DNAH11: variants seen among roughly 807,000 people sequenced by gnomAD.
DNAH11 encodes the protein axonemal beta dynein heavy chain 11.
A neutral mutation model predicts 526.0 loss-of-function variants in DNAH11; 442 were observed. The observed-to-expected ratio is 0.84, with a 90% CI of 0.78 to 0.91. The LOEUF is 0.91. Among genes scored for constraint, DNAH11 ranks in the 40% least tolerant of loss-of-function variants. DNAH11 has a pLI of 0.00. For missense variants in DNAH11, 6,989 were observed against 5,448.7 expected (o/e 1.28, Z -8.90); for synonymous variants, 2,461 against 1,935.9 (o/e 1.27, Z -7.12).
intron 45 of DNAH11, among the ~76,000 whole-genome samples, chr7:21,727,391 A>C (rs965419811): frequency 2.6e-5 from 4 of 152,172 alleles, no homozygotes; most frequent in African/African-American, 9.6e-5. Context: ...TAAACTTCTT[A>C]GTTAGTACTT....
chr7:21,720,569 A>G (rs1784836255), intron 43 of DNAH11, among the ~76,000 whole-genome samples, 156 bp from the exon 44 acceptor site: 1 of 152,200 alleles, frequency 6.6e-6, no homozygotes, highest in Non-Finnish European at 1.5e-5. Flanking sequence ...TAACTTAGAC[A>G]CCCAAGGTGG....
chr7:21,620,850 T>A (rs555259870), intron 25 of DNAH11, among the ~76,000 whole-genome samples: 1 of 151,420 alleles, frequency 6.6e-6, no homozygotes, highest in Non-Finnish European at 1.5e-5. Context: ...TTACTGAGAA[T>A]GATGATTTCC....
chr7:21,687,451 ATC>A lies in DNAH11; in HGVS notation c.5852_5853del (p.Ser1951CysfsTer16), dbSNP rs1562490642. 6.2e-7 allele frequency: 1 copy of A among 1,614,002 alleles called. No individual in the cohort carries two copies. The highest frequency in any genetic ancestry group is 8.5e-7 in the Non-Finnish European group (1 of 1,179,940). ...GGGCTGCTTTGATGAGTTCAACCGA[ATC>A]TCTGTGGAAGTTCTGTCAGTGGTGG... ...AWGCFDEFNR[I>X]SVEVLSVVAV... On this transcript the variant is annotated frameshift_variant, in exon 34 of 82. Transcript: ENST00000409508. LOFTEE classifies it high-confidence loss of function.
intron 79 of DNAH11, among the ~76,000 whole-genome samples, chr7:21,896,834 G>C (rs994335581): frequency 1.3e-5 from 2 of 152,154 alleles, no homozygotes; most frequent in Non-Finnish European, 2.9e-5. Context: ...CAAGGCAGGA[G>C]GATCACTTGA....
intron 14 of DNAH11, among the ~76,000 whole-genome samples, chr7:21,594,014 ACACT>A (rs796846544): frequency 6.5e-4 from 98 of 150,918 alleles, no homozygotes; most frequent in Middle Eastern, 3.5e-3. Flanking sequence ...TATCACACAC[ACACT>A]CACACACACT....
At chr7:21,732,920 C>T (rs1415863522) in intron 45 of DNAH11, among the ~76,000 whole-genome samples, 1 of 152,238 alleles carries the variant, frequency 6.6e-6, no homozygotes, top group African/African-American at 2.4e-5. Flanking sequence ...ATTCTGCAGA[C>T]TGGGCCATGT....
chr7:21,553,457 G>A (rs62441662), intron 2 of DNAH11, among the ~76,000 whole-genome samples: 25,958 of 151,848 alleles, frequency 0.17, 2,254 homozygotes, highest in Middle Eastern at 0.26. Flanking sequence ...GACTTAGGGA[G>A]GAGGGATCCA....
chr7:21,543,363 G>GAGA lies in DNAH11; in HGVS notation c.120_122dup (p.Glu40_Asn41insLys), dbSNP rs1483611767. 1 of 1,551,440 alleles carries GAGA rather than the reference G, an allele frequency of 6.4e-7. No individual in the cohort carries two copies. Among genetic ancestry groups the GAGA allele is most frequent in the Non-Finnish European group, 8.7e-7 (1 of 1,146,850 alleles). On this transcript the variant is annotated inframe_insertion, in exon 1 of 82. Transcript: ENST00000409508. The stretch of plus-strand genomic sequence containing the variant: ...CGCTGTGGAGCTCGAGGAGGAGGAG[G>GAGA]AGAACGAGGAGGAGGCGGCGGCCAG...
At chr7:21,706,593 TA>T (rs1784271307) in intron 39 of DNAH11, among the ~76,000 whole-genome samples, 1 of 152,210 alleles carries the variant, frequency 6.6e-6, no homozygotes, top group African/African-American at 2.4e-5. Flanking sequence ...AGGATAAAGT[TA>T]AATTCTATAC....
At chr7:21,739,704 G>T in intron 48 of DNAH11, 31 bp downstream of exon 48, 1 of 1,536,582 alleles carries the variant, frequency 6.5e-7, no homozygotes, top group Non-Finnish European at 9.0e-7. Flanking sequence ...CTCAAAAACT[G>T]TAGGTCTGTA....
chr7:21,743,659 G>T (rs767086389), intron 49 of DNAH11, among the ~76,000 whole-genome samples: 1 of 152,284 alleles, frequency 6.6e-6, no homozygotes, highest in African/African-American at 2.4e-5. Flanking sequence ...TCGTGTCTGT[G>T]TATCTAGCTC....
At chr7:21,842,776 C>T in intron 66 of DNAH11, 28 bp downstream of exon 66, 1 of 1,556,570 alleles carries the variant, frequency 6.4e-7, no homozygotes, top group Non-Finnish European at 8.7e-7. Context: ...ACCACCAACA[C>T]TTAGTCGGCA....
intron 15 of DNAH11, 69 bp downstream of exon 15, chr7:21,600,188 G>C: frequency 7.4e-7 from 1 of 1,356,274 alleles, no homozygotes; most frequent in Non-Finnish European, 9.8e-7. Context: ...GGCTGAGTAT[G>C]GTAGCTCATG....
chr7:21,824,442 C>T (rs565054936), intron 65 of DNAH11, among the ~76,000 whole-genome samples: 8 of 152,068 alleles, frequency 5.3e-5, no homozygotes, highest in African/African-American at 1.9e-4. Context: ...TAATAACATA[C>T]ATAAAATATA....
At chr7:21,846,757 A>G (rs73277801) in intron 66 of DNAH11, among the ~76,000 whole-genome samples, 24,377 of 151,920 alleles carry the variant, frequency 0.16, 3,934 homozygotes, top group African/African-American at 0.41. Context: ...CTCTGCTTCT[A>G]TTTTCTAGAA....
chr7:21,543,142 C>A lies in DNAH11; in HGVS notation c.-104C>A. Reference sequence around the variant, plus strand: ...CTAGGGTCTGCGCTCGCGGCGACCGCGGAGGAGGGTGGGCGCCTGCGGAGG... The same window carrying A: ...CTAGGGTCTGCGCTCGCGGCGACCGAGGAGGAGGGTGGGCGCCTGCGGAGG... On this transcript the variant is annotated 5_prime_UTR_variant, in exon 1 of 82. Coordinates refer to ENST00000409508, the MANE Select transcript of DNAH11 (RefSeq NM_001277115.2). The A allele has an allele frequency of 7.0e-7, 1 of 1,434,208 alleles. No homozygotes were observed. The highest frequency in any genetic ancestry group is 9.1e-7 in the Non-Finnish European group (1 of 1,101,116). 88.8% of individuals were successfully genotyped at this position (1,434,208 alleles called of 1,614,324 possible). A position where few individuals can be genotyped will look rare whatever the true frequency, so the allele number is the denominator to read the frequency against.
At chr7:21,640,229 TTACA>T (rs1787060753) in intron 28 of DNAH11, among the ~76,000 whole-genome samples, 1 of 152,166 alleles carries the variant, frequency 6.6e-6, no homozygotes, top group African/African-American at 2.4e-5. Context: ...TATCCGTCTT[TTACA>T]TACTTATTAG....
intron 70 of DNAH11, 46 bp from the exon 71 acceptor site, chr7:21,866,424 A>C (rs1441525659): frequency 1.3e-6 from 2 of 1,539,112 alleles, no homozygotes; most frequent in Non-Finnish European, 8.8e-7. Context: ...TCAAACTGTA[A>C]AGTATCGTTC....
At chr7:21,815,698 G>A (rs925586399) in intron 63 of DNAH11, among the ~76,000 whole-genome samples, 1 of 152,178 alleles carries the variant, frequency 6.6e-6, no homozygotes, top group East Asian at 1.9e-4. Context: ...CATGTACGTA[G>A]AAAATGCTCA....
Sources: allele counts gnomAD v4.1 joint callset (sites outside exome capture counted in the v4.1 genomes callset), GRCh38; gene constraint gnomAD v4.1.1; transcripts MANE v1.5; gene names NCBI Gene and HGNC (gene_info 2026-07-23, HGNC 2026-07-21).